Variants in PTPRT observed in about 807,000 individuals in gnomAD.
PTPRT encodes protein tyrosine phosphatase receptor type T.
A neutral mutation model predicts 176.8 loss-of-function variants in PTPRT; 56 were observed. The ratio of observed to expected loss-of-function variants is 0.32; its 90% confidence interval spans 0.26 to 0.40. The LOEUF (loss-of-function observed/expected upper bound fraction) is 0.40, where lower values mean the gene tolerates loss of function less well. Ranked by LOEUF, PTPRT falls within the 10% of genes least tolerant of loss-of-function variation. The pLI is 1.00. For missense variants in PTPRT, 1,540 were observed against 1,908.2 expected, an observed-to-expected ratio of 0.81 and a Z score of 3.60; for synonymous variants, 783 against 739.0, an observed-to-expected ratio of 1.06 and a Z score of -0.96.
At chr20:42,445,982 T>G (rs924736422) in intron 9 of PTPRT, among the ~76,000 whole-genome samples, 2 of 152,240 alleles carry the variant, frequency 1.3e-5, no homozygotes, top group African/African-American at 4.8e-5. Flanking sequence ...TGTTTCTTTC[T>G]TCTTGTCATG....
chr20:42,147,330 A>G (rs1988913628), intron 17 of PTPRT, among the ~76,000 whole-genome samples: 1 of 152,184 alleles, frequency 6.6e-6, no homozygotes, highest in Admixed American at 6.5e-5. Flanking sequence ...CCCATCCACA[A>G]TGGCCTTCCA....
At chr20:42,383,850 C>A (rs1377916009) in intron 9 of PTPRT, among the ~76,000 whole-genome samples, 1 of 152,100 alleles carries the variant, frequency 6.6e-6, no homozygotes, top group Non-Finnish European at 1.5e-5. Context: ...AGACTTTATG[C>A]CCCACAAAGA....
chr20:42,735,455 C>A (rs2076525230), intron 6 of PTPRT, among the ~76,000 whole-genome samples: 1 of 151,870 alleles, frequency 6.6e-6, no homozygotes, highest in Non-Finnish European at 1.5e-5. Context: ...ACTCCACCCT[C>A]ACTAGGAGAA....
At chr20:42,857,111 C>A (rs892978356) in intron 2 of PTPRT, among the ~76,000 whole-genome samples, 5 of 152,210 alleles carry the variant, frequency 3.3e-5, no homozygotes, top group African/African-American at 9.6e-5. Flanking sequence ...GCATTCCCAT[C>A]GGCAATGTAC....
chr20:42,682,940 C>T (rs926776067), intron 6 of PTPRT, among the ~76,000 whole-genome samples: 2 of 152,130 alleles, frequency 1.3e-5, no homozygotes, highest in Non-Finnish European at 2.9e-5. Context: ...TGGAGCTGTG[C>T]GCATGTACTG....
At chr20:42,883,440 A>AC (rs2079036411) in intron 2 of PTPRT, among the ~76,000 whole-genome samples, 1 of 151,974 alleles carries the variant, frequency 6.6e-6, no homozygotes, top group Admixed American at 6.5e-5. Context: ...CTGAATCAGT[A>AC]CCAGTAGGGT....
chr20:42,328,884 G>A (rs1019685874), intron 11 of PTPRT, among the ~76,000 whole-genome samples: 2 of 152,274 alleles, frequency 1.3e-5, no homozygotes, highest in African/African-American at 4.8e-5. Context: ...TAGATGGTGT[G>A]ATTATTAGCT....
At chr20:42,908,133 G>A (rs1370903803) in intron 1 of PTPRT, among the ~76,000 whole-genome samples, 3 of 151,874 alleles carry the variant, frequency 2.0e-5, no homozygotes, top group Non-Finnish European at 2.9e-5. Flanking sequence ...TCCCAAACAC[G>A]ACCCACCGGG....
At chr20:42,257,282 T>C (rs1027669998) in intron 13 of PTPRT, among the ~76,000 whole-genome samples, 1 of 152,220 alleles carries the variant, frequency 6.6e-6, no homozygotes, top group Non-Finnish European at 1.5e-5. Context: ...GGTGTGAAAC[T>C]GAGTTCTTCC....
chr20:42,961,763 A>G (rs955886170), intron 1 of PTPRT, among the ~76,000 whole-genome samples: 3 of 152,212 alleles, frequency 2.0e-5, no homozygotes, highest in Non-Finnish European at 4.4e-5. Context: ...TACCTCACAC[A>G]GCAAAAGGGA....
At chr20:42,048,091 C>T in the PTPRT span, among the ~76,000 whole-genome samples, 2 of 152,142 alleles carry the variant, frequency 1.3e-5, no homozygotes, top group African/African-American at 2.4e-5. Context: ...CAACTGATGG[C>T]CAGCTCCTCT....
At chr20:42,647,600 A>G (rs2074935367) in intron 7 of PTPRT, among the ~76,000 whole-genome samples, 1 of 152,036 alleles carries the variant, frequency 6.6e-6, no homozygotes, top group Non-Finnish European at 1.5e-5. Flanking sequence ...AGGAAGTTCC[A>G]CACCTAGGTC....
intron 7 of PTPRT, among the ~76,000 whole-genome samples, chr20:42,514,125 G>A (rs1432230208): frequency 6.6e-6 from 1 of 152,106 alleles, no homozygotes; most frequent in Admixed American, 6.6e-5. Flanking sequence ...ATAAACATGG[G>A]TTTATTTAGG....
intron 1 of PTPRT, among the ~76,000 whole-genome samples, chr20:43,076,085 A>G (rs1246948560): frequency 6.6e-6 from 1 of 152,224 alleles, no homozygotes; most frequent in Non-Finnish European, 1.5e-5. Flanking sequence ...CTATAATTAG[A>G]AGAAGATAAT....
At chr20:43,181,743 C>T (rs1051974280) in intron 1 of PTPRT, among the ~76,000 whole-genome samples, 10 of 152,098 alleles carry the variant, frequency 6.6e-5, no homozygotes, top group African/African-American at 2.4e-4. Context: ...AAAATATGCA[C>T]CCAGATTCCG....
chr20:42,516,674 C>A (rs2072073560), intron 7 of PTPRT, among the ~76,000 whole-genome samples: 1 of 152,122 alleles, frequency 6.6e-6, no homozygotes, highest in South Asian at 2.1e-4. Context: ...AATGGTTAAG[C>A]ATATACTTAG....
chr20:42,100,888 G>A (rs1206700755), intron 26 of PTPRT, among the ~76,000 whole-genome samples: 1 of 152,180 alleles, frequency 6.6e-6, no homozygotes, highest in African/African-American at 2.4e-5. Context: ...CAGAGGATAT[G>A]GGCACTCTGT....
At chr20:42,975,924 A>T (rs1286874606) in intron 1 of PTPRT, among the ~76,000 whole-genome samples, 5 of 147,678 alleles carry the variant, frequency 3.4e-5, no homozygotes, top group African/African-American at 1.3e-4. Context: ...TTACCCCCCC[A>T]CCAAAAAAAA....
At chr20:42,095,074 G>A (rs1475455847) in intron 27 of PTPRT, among the ~76,000 whole-genome samples, 1 of 152,020 alleles carries the variant, frequency 6.6e-6, no homozygotes, top group Non-Finnish European at 1.5e-5. Context: ...CTCTGGATGT[G>A]TTGTTGGCTT....
Sources: allele counts gnomAD v4.1 joint callset (sites outside exome capture counted in the v4.1 genomes callset), GRCh38; gene constraint gnomAD v4.1.1; transcripts MANE v1.5; gene names NCBI Gene and HGNC (gene_info 2026-07-23, HGNC 2026-07-21).